Variants in COBLL1 observed in about 807,000 individuals in gnomAD.
COBLL1 encodes the protein cordon-bleu WH2 repeat protein like 1, also known as cordon-bleu protein-like 1.
COBLL1 carries 50 observed loss-of-function variants against 94.8 expected under a neutral mutation model. The observed-to-expected ratio is 0.53, with a 90% CI of 0.42 to 0.67. COBLL1 has a LOEUF of 0.67. Ranked by LOEUF, COBLL1 falls within the 30% of genes least tolerant of loss-of-function variation. The pLI is 0.00. For synonymous variants in COBLL1, 448 were observed against 473.8 expected, an observed-to-expected ratio of 0.95 and a Z score of 0.71; for missense variants, 1,362 against 1,348.7, an observed-to-expected ratio of 1.01 and a Z score of -0.15.
intron 2 of COBLL1, among the ~76,000 whole-genome samples, chr2:164,832,158 G>T (rs772107536): frequency 5.3e-5 from 8 of 152,296 alleles, no homozygotes; most frequent in Middle Eastern, 3.4e-3. Context: ...TGTGCATGAA[G>T]GCAGATTCGA....
chr2:164,807,355 T>C (rs1187692633), intron 2 of COBLL1, among the ~76,000 whole-genome samples: 1 of 151,914 alleles, frequency 6.6e-6, no homozygotes, highest in Non-Finnish European at 1.5e-5. Flanking sequence ...GGAGAATCAC[T>C]TGAACCCGAG....
At chr2:164,688,673 T>C (rs1683432851) in intron 13 of COBLL1, among the ~76,000 whole-genome samples, 1 of 152,124 alleles carries the variant, frequency 6.6e-6, no homozygotes. Context: ...TAGAAATCGC[T>C]GCCAACCTGA....
At chr2:164,662,120 T>C (rs1343574919) in intron 2 of COBLL1, among the ~76,000 whole-genome samples, 1 of 152,108 alleles carries the variant, frequency 6.6e-6, no homozygotes, top group Non-Finnish European at 1.5e-5. Flanking sequence ...AAAAAATAAG[T>C]ATGGAAAAGT....
At chr2:164,760,694 A>G (rs1687638977) in intron 2 of COBLL1, among the ~76,000 whole-genome samples, 1 of 152,180 alleles carries the variant, frequency 6.6e-6, no homozygotes, top group South Asian at 2.1e-4. Flanking sequence ...GCACAGAGAA[A>G]CTTTCTGCAC....
intron 2 of COBLL1, among the ~76,000 whole-genome samples, chr2:164,819,996 T>C (rs1213835206): frequency 2.6e-5 from 4 of 151,096 alleles, no homozygotes; most frequent in Non-Finnish European, 4.4e-5. Flanking sequence ...TGGCTTTTTT[T>C]TTTTTTTTTT....
intron 2 of COBLL1, among the ~76,000 whole-genome samples, chr2:164,835,060 T>TAAA (rs150544855): frequency 1.3e-5 from 2 of 149,948 alleles, no homozygotes; most frequent in African/African-American, 4.9e-5. Context: ...ACAACCACTG[T>TAAA]AAAAAAAAAC....
At chr2:164,803,823 G>A (rs907834036) in intron 2 of COBLL1, among the ~76,000 whole-genome samples, 1 of 151,996 alleles carries the variant, frequency 6.6e-6, no homozygotes, top group Non-Finnish European at 1.5e-5. Context: ...TCACAGTGGT[G>A]ACAAGCAAAT....
chr2:164,794,224 T>G (rs1275944768), intron 2 of COBLL1, among the ~76,000 whole-genome samples: 2 of 152,210 alleles, frequency 1.3e-5, no homozygotes, highest in Admixed American at 1.3e-4. Flanking sequence ...TTCTGATCTG[T>G]ATCCTGGTGA....
At chr2:164,703,364 A>C in intron 9 of COBLL1, 1 of 599,386 alleles carries the variant, frequency 1.7e-6, no homozygotes, top group Non-Finnish European at 2.9e-6. Context: ...AAGGAAAAAA[A>C]CAAATGAAGA....
At chr2:164,804,784 T>C (rs572230994) in intron 2 of COBLL1, among the ~76,000 whole-genome samples, 3 of 152,308 alleles carry the variant, frequency 2.0e-5, no homozygotes, top group Admixed American at 6.5e-5. Context: ...TACTGAAAGA[T>C]GCTAACTACA....
chr2:164,709,784 T>C (rs778110542), intron 7 of COBLL1, among the ~76,000 whole-genome samples: 2 of 152,184 alleles, frequency 1.3e-5, no homozygotes, highest in Admixed American at 6.5e-5. Context: ...TTGTCACTAA[T>C]TGATACGACG....
chr2:164,728,349 G>A lies in COBLL1; in HGVS notation c.433-152C>T, dbSNP rs1685820778. On this transcript the variant is annotated intron_variant, in intron 4 of 13. Coordinates refer to ENST00000652658, the MANE Select transcript of COBLL1 (RefSeq NM_001365672.2). ...GTGTGAAATTCTCTTTTTGATTAAT[G>A]TTACTTCCTAAATCCAAAGCAAGTT... 6.9e-6 allele frequency: 4 copies of A among 579,040 alleles called. No homozygotes were observed. In the East Asian group the frequency reaches 8.6e-5, roughly 13 times the overall value. 35.9% of individuals were successfully genotyped at this position (579,040 alleles called of 1,614,324 possible). A position where few individuals can be genotyped will look rare whatever the true frequency, so the allele number is the denominator to read the frequency against.
intron 2 of COBLL1, among the ~76,000 whole-genome samples, chr2:164,832,900 G>A (rs1482145842): frequency 1.3e-5 from 2 of 151,998 alleles, no homozygotes; most frequent in Non-Finnish European, 2.9e-5. Flanking sequence ...AAAATTAGCC[G>A]GGTATGGTGG....
chr2:164,776,802 T>G (rs991059741), intron 2 of COBLL1, among the ~76,000 whole-genome samples: 5 of 152,178 alleles, frequency 3.3e-5, no homozygotes, highest in Non-Finnish European at 7.4e-5. Context: ...AAATTGTGAT[T>G]AAGTGTCTTT....
At chr2:164,752,783 T>C (rs542902158) in intron 2 of COBLL1, among the ~76,000 whole-genome samples, 1 of 152,262 alleles carries the variant, frequency 6.6e-6, no homozygotes, top group Non-Finnish European at 1.5e-5. Context: ...AACAATATAC[T>C]GGACATCAAA....
chr2:164,711,033 C>T (rs1252769833), intron 7 of COBLL1, among the ~76,000 whole-genome samples: 14 of 152,062 alleles, frequency 9.2e-5, no homozygotes, highest in Admixed American at 3.9e-4. Context: ...AGGTAGAAGG[C>T]GACCCACTAC....
At chr2:164,704,645 T>A (rs1684490194) in intron 8 of COBLL1, 127 bp from the exon 9 acceptor site, 6 of 751,584 alleles carry the variant, frequency 8.0e-6, no homozygotes, top group East Asian at 7.9e-5. Flanking sequence ...ACTATCTAGC[T>A]GTAAAACACT....
rs13392281 is a variant in COBLL1 at position 164,729,956 on chromosome 2, T to C, written c.390A>G (p.Pro130=). 0.15 allele frequency: 234,896 copies of C among 1,612,582 alleles called. 18,944 individuals carry two copies. The highest frequency in any genetic ancestry group is 0.32 in the African/African-American group (24,144 of 74,872). The change falls in exon 4 of 14, where the codon CCA becomes CCG. Residue 130 remains proline (P), a synonymous_variant. Transcript: ENST00000652658. ...TAGGTTTTTTCTTATCCAACATTTT[T>C]GGCTTTAAAATTACCTTCTCTACCT... ...MLEVEKVILK[P]KMLDKKKPTP...
chr2:164,695,590 T>A lies in COBLL1; in HGVS notation c.1802A>T (p.Asp601Val). 6.2e-7 allele frequency: 1 copy of A among 1,613,994 alleles called. No homozygotes were observed. The highest frequency in any genetic ancestry group is 8.5e-7 in the Non-Finnish European group (1 of 1,179,926). The change falls in exon 12 of 14, where the codon GAT becomes GTT. Residue 601 changes from aspartate (D) to valine (V), a missense_variant. By Grantham distance (152) the Asp-to-Val change is radical (BLOSUM62 -3). Transcript: ENST00000652658. ...AGAAGGGGTTGTCTGAATTGCTGCA[T>A]CTTTTGTCTTTTCTGCACTGGGTTG... ...LNQPSAEKTK[D>V]AAIQTTPSCN...
Sources: gnomAD v4.1 joint callset for allele counts (sites outside exome capture counted in the v4.1 genomes callset) on GRCh38, gnomAD v4.1.1 for gene constraint, MANE v1.5 for transcripts, NCBI Gene and HGNC (gene_info 2026-07-23, HGNC 2026-07-21) for gene names.